ADAM2: variants seen among roughly 807,000 people sequenced by gnomAD.
ADAM2 encodes ADAM metallopeptidase domain 2, also known as disintegrin and metalloproteinase domain-containing protein 2.
In ADAM2, 101 loss-of-function variants were observed where a neutral mutation model predicts 99.3. That is an observed-to-expected ratio of 1.02 (90% confidence interval 0.87 to 1.20). The LOEUF (loss-of-function observed/expected upper bound fraction) is 1.20, where lower values mean the gene tolerates loss of function less well. Among genes scored for constraint, ADAM2 ranks in the 50% most tolerant of loss-of-function variants. ADAM2 has a pLI of 0.00. For synonymous variants in ADAM2, 323 were observed against 287.6 expected (o/e 1.12, Z -1.25); for missense variants, 948 against 878.7 (o/e 1.08, Z -1.00).
chr8:39,749,772 A>G, intron 16 of ADAM2, 28 bp from the exon 17 acceptor site: 1 of 1,573,100 alleles, frequency 6.4e-7, no homozygotes, highest in Non-Finnish European at 8.7e-7. Flanking sequence ...AAATAAGTTA[A>G]TTGACATGCC....
Position 39,747,384 on chromosome 8 carries a change from T to C in ADAM2, c.2015-753A>G, listed in dbSNP as rs114871202. ...AAGCCTTTCTCTGTATTGGATCCTG[T>C]GAGGCTGTTATGAAATGACCAGTTT... On this transcript the variant is annotated intron_variant, in intron 18 of 20. Coordinates refer to ENST00000265708, the MANE Select transcript of ADAM2 (RefSeq NM_001464.5). Among the ~76,000 whole-genome samples the C allele has an allele frequency of 6.3e-3, 962 of 152,302 alleles. 9 individuals carry two copies. Among genetic ancestry groups the C allele is most frequent in the African/African-American group, 0.022 (932 of 41,574 alleles).
In ADAM2 at chr8:39,838,209, C is replaced by A; in HGVS notation, c.-24G>T. ...ATGGCTTGAAGTCCTGGGTCCCAGC[C>A]GGAATAATGGCAGTTGGTGGTTACA... is the stretch of plus-strand genomic sequence containing the variant. On this transcript the variant is annotated 5_prime_UTR_variant, in exon 1 of 21. Coordinates refer to ENST00000265708, the MANE Select transcript of ADAM2 (RefSeq NM_001464.5). 1 of 1,613,978 alleles carries A rather than the reference C, an allele frequency of 6.2e-7. No individual in the cohort carries two copies. The highest frequency in any genetic ancestry group is 8.5e-7 in the Non-Finnish European group (1 of 1,179,952).
In ADAM2 at chr8:39,788,675, C is replaced by T. The variant is rs187181948; in HGVS notation, c.636G>A (p.Thr212=). The change falls in exon 8 of 21, where the codon ACG becomes ACA. Residue 212 remains threonine (T), a synonymous_variant. Transcript: ENST00000265708. The part of the protein sequence containing the change: ...AQKVFQLIGL[T]NAIFVSFNIT... ...CTAAGAAGCAAAGACTTACAGCATT[C>T]GTCAATCCAATCAACTGGAAAACTT... 28 of 1,576,314 alleles carry T rather than the reference C, an allele frequency of 1.8e-5. No homozygotes were observed. Among genetic ancestry groups the T allele is most frequent in the Admixed American group, 7.1e-5 (4 of 56,276 alleles).
intron 7 of ADAM2, among the ~76,000 whole-genome samples, chr8:39,800,443 TG>T (rs1278417198): frequency 1.3e-5 from 2 of 152,194 alleles, no homozygotes; most frequent in African/African-American, 4.8e-5. Flanking sequence ...TGTTTCTCTC[TG>T]GCTGCCCTTA....
chr8:39,756,974 G>A (rs1049414620), intron 15 of ADAM2, among the ~76,000 whole-genome samples: 13 of 152,168 alleles, frequency 8.5e-5, no homozygotes, highest in Non-Finnish European at 1.5e-4. Context: ...ACTAATATGT[G>A]TGACTATTGC....
chr8:39,770,328 C>T (rs1400217990), intron 11 of ADAM2, among the ~76,000 whole-genome samples: 1 of 152,108 alleles, frequency 6.6e-6, no homozygotes, highest in South Asian at 2.1e-4. Context: ...GCGTCTATGC[C>T]CAATAGCTCC....
chr8:39,763,210 G>GA (rs535778720), intron 14 of ADAM2, among the ~76,000 whole-genome samples: 128 of 148,046 alleles, frequency 8.6e-4, no homozygotes, highest in South Asian at 1.1e-3. Context: ...TCAGTTAAGT[G>GA]AAAAAAAAAA....
chr8:39,762,936 G>T (rs1802426528), intron 14 of ADAM2, among the ~76,000 whole-genome samples: 1 of 152,216 alleles, frequency 6.6e-6, no homozygotes, highest in South Asian at 2.1e-4. Context: ...TTTCTCTGGT[G>T]TAGTTCTGGT....
intron 6 of ADAM2, among the ~76,000 whole-genome samples, chr8:39,813,528 C>T (rs1804788679): frequency 6.6e-6 from 1 of 152,134 alleles, no homozygotes; most frequent in African/African-American, 2.4e-5. Context: ...CCCAAATGTC[C>T]ATCAATGACA....
intron 7 of ADAM2, among the ~76,000 whole-genome samples, chr8:39,794,248 G>T (rs1312385034): frequency 6.6e-6 from 1 of 152,046 alleles, no homozygotes; most frequent in African/African-American, 2.4e-5. Flanking sequence ...AAATGGTATT[G>T]CCAACATTAA....
At chr8:39,768,436 A>G (rs1802650554) in intron 12 of ADAM2, among the ~76,000 whole-genome samples, 1 of 152,146 alleles carries the variant, frequency 6.6e-6, no homozygotes, top group Non-Finnish European at 1.5e-5. Flanking sequence ...CCCTTATTTC[A>G]TTCCCTTTAT....
intron 16 of ADAM2, among the ~76,000 whole-genome samples, chr8:39,752,556 A>C (rs1801989205): frequency 6.6e-6 from 1 of 152,184 alleles, no homozygotes; most frequent in African/African-American, 2.4e-5. Flanking sequence ...TGATTTGCCT[A>C]ACTCAAATCT....
At chr8:39,820,735 G>A (rs1270514580) in intron 6 of ADAM2, among the ~76,000 whole-genome samples, 2 of 152,110 alleles carry the variant, frequency 1.3e-5, no homozygotes, top group Admixed American at 6.6e-5. Context: ...GGGGAAAGGA[G>A]TACATCTGCT....
chr8:39,751,245 C>T (rs1201770510), intron 16 of ADAM2, among the ~76,000 whole-genome samples: 2 of 152,140 alleles, frequency 1.3e-5, no homozygotes, highest in African/African-American at 4.8e-5. Flanking sequence ...ATTAGTGCTG[C>T]TGTAGTTATA....
At chr8:39,815,629 T>C (rs985859864) in intron 6 of ADAM2, among the ~76,000 whole-genome samples, 5 of 152,186 alleles carry the variant, frequency 3.3e-5, no homozygotes, top group African/African-American at 1.2e-4. Context: ...AGAAGCTTCT[T>C]GGTATTTTGG....
At chr8:39,751,785 CCTT>C (rs1801957941) in intron 16 of ADAM2, among the ~76,000 whole-genome samples, 2 of 151,982 alleles carry the variant, frequency 1.3e-5, no homozygotes, top group African/African-American at 4.8e-5. Context: ...CCTACAGAAA[CCTT>C]CTTGTTATGT....
In ADAM2 at chr8:39,749,726, A is replaced by G. The variant is rs1286602415; in HGVS notation, c.1816T>C (p.Cys606Arg). The G allele has an allele frequency of 5.0e-6, 8 of 1,612,346 alleles. No individual in the cohort carries two copies. Among genetic ancestry groups the G allele is most frequent in the Non-Finnish European group, 6.8e-6 (8 of 1,178,830 alleles). ...TAACCCAAGTATGAAGAACTCACAC[A>G]TCTTTGATTCCTGCAAACCTAAAAA... is the stretch of plus-strand genomic sequence containing the variant. ...GSNKVCRNQRCVSSSYLGYDC... is the reference protein window; with the variant it reads ...GSNKVCRNQRRVSSSYLGYDC... Residue 606 changes from cysteine to arginine, a missense_variant, in exon 17 of 21, where the codon TGT (cysteine) becomes CGT (arginine). Physicochemically the swap from Cys to Arg is radical, Grantham distance 180. Coordinates refer to ENST00000265708, the MANE Select transcript of ADAM2 (RefSeq NM_001464.5).
rs529875580 is a variant in ADAM2 at position 39,746,347 on chromosome 8, T to G, written c.2174+125A>C. On this transcript the variant is annotated intron_variant, in intron 19 of 20. Transcript: ENST00000265708. ...TGGCCATTAGTTATTAATATATGAGTTATTAAATTCCCATATAAAGACAAT... is the reference window on the plus strand; with the variant it reads ...TGGCCATTAGTTATTAATATATGAGGTATTAAATTCCCATATAAAGACAAT... 8.0e-5 allele frequency: 56 copies of G among 698,924 alleles called. 1 individual carries two copies. In the Middle Eastern group the frequency reaches 2.5e-3, roughly 31 times the overall value. 43.3% of individuals were successfully genotyped at this position (698,924 alleles called of 1,614,324 possible). A position where few individuals can be genotyped will look rare whatever the true frequency, so the allele number is the denominator to read the frequency against.
chr8:39,799,152 C>T (rs1804100936), intron 7 of ADAM2, among the ~76,000 whole-genome samples: 1 of 152,142 alleles, frequency 6.6e-6, no homozygotes, highest in African/African-American at 2.4e-5. Flanking sequence ...TGAGATCTTT[C>T]TAGCTTTCCA....
Sources: allele counts gnomAD v4.1 joint callset (sites outside exome capture counted in the v4.1 genomes callset), GRCh38; gene constraint gnomAD v4.1.1; transcripts MANE v1.5; gene names NCBI Gene and HGNC (gene_info 2026-07-23, HGNC 2026-07-21).